VPS13B: variants seen among roughly 807,000 people sequenced by gnomAD.
VPS13B encodes vacuolar protein sorting 13 homolog B.
VPS13B carries 285 observed loss-of-function variants against 426.4 expected under a neutral mutation model. That is an observed-to-expected ratio of 0.67 (90% CI 0.61 to 0.74). The LOEUF (loss-of-function observed/expected upper bound fraction) is 0.74. Ranked by LOEUF, VPS13B falls within the 30% of genes least tolerant of loss-of-function variation. VPS13B has a pLI of 0.00. For missense variants in VPS13B, 4,537 were observed against 4,782.6 expected, an observed-to-expected ratio of 0.95 and a Z score of 1.51; for synonymous variants, 1,676 against 1,676.4, an observed-to-expected ratio of 1.00 and a Z score of 0.01.
intron 19 of VPS13B, among the ~76,000 whole-genome samples, chr8:99,337,494 C>A (rs1009309268): frequency 4.6e-5 from 7 of 151,148 alleles, no homozygotes; most frequent in Non-Finnish European, 7.4e-5. Flanking sequence ...GCACATGTAC[C>A]CTAAAACTTA....
chr8:99,667,807 G>C (rs1042319327), intron 35 of VPS13B, among the ~76,000 whole-genome samples: 9 of 152,140 alleles, frequency 5.9e-5, no homozygotes, highest in Admixed American at 3.3e-4. Context: ...CATTAAAACA[G>C]CTTTTACCAT....
chr8:99,252,028 T>C (rs1817532426), intron 17 of VPS13B, among the ~76,000 whole-genome samples: 1 of 151,466 alleles, frequency 6.6e-6, no homozygotes, highest in Non-Finnish European at 1.5e-5. Context: ...AATCAAAATT[T>C]TAAATATAAT....
At chr8:99,203,179 T>G (rs1814460630) in intron 17 of VPS13B, among the ~76,000 whole-genome samples, 1 of 152,188 alleles carries the variant, frequency 6.6e-6, no homozygotes, top group South Asian at 2.1e-4. Flanking sequence ...CAAGTCGGCT[T>G]CATCCCTGGG....
At chr8:99,349,727 C>G (rs927452920) in intron 19 of VPS13B, among the ~76,000 whole-genome samples, 1 of 152,110 alleles carries the variant, frequency 6.6e-6, no homozygotes, top group East Asian at 1.9e-4. Flanking sequence ...AAAAAGTCTT[C>G]GAGAATATGC....
At chr8:99,710,335 C>T (rs1326036177) in intron 36 of VPS13B, among the ~76,000 whole-genome samples, 1 of 151,852 alleles carries the variant, frequency 6.6e-6, no homozygotes, top group Admixed American at 6.6e-5. Context: ...CATTTGTCCC[C>T]CTAGGAAGAA....
chr8:99,090,900 T>C (rs1846107119), intron 3 of VPS13B, among the ~76,000 whole-genome samples: 1 of 152,134 alleles, frequency 6.6e-6, no homozygotes, highest in Non-Finnish European at 1.5e-5. Context: ...TTTCACCTTC[T>C]AAATCTTAGA....
In VPS13B at chr8:99,507,144, G is replaced by GA; in HGVS notation, c.4167dup (p.Gly1390ArgfsTer8). The GA allele has an allele frequency of 6.2e-7, 1 of 1,613,980 alleles. No individual in the cohort carries two copies. The highest frequency in any genetic ancestry group is 8.5e-7 in the Non-Finnish European group (1 of 1,179,908). ...TGAACTTATGTTTTCCAGGCCAGGG[G>GA]AAGGTTGGCAGTCAGGACATTTTGA... On this transcript the variant is annotated frameshift_variant, in exon 28 of 62. Transcript: ENST00000357162. LOFTEE classifies it high-confidence loss of function.
At chr8:99,058,170 A>T (rs1184789184) in intron 3 of VPS13B, among the ~76,000 whole-genome samples, 3 of 151,968 alleles carry the variant, frequency 2.0e-5, no homozygotes, top group Non-Finnish European at 1.5e-5. Flanking sequence ...TCATTTTCTC[A>T]TGAATGTAGT....
intron 34 of VPS13B, among the ~76,000 whole-genome samples, chr8:99,660,317 A>C (rs954896429): frequency 6.6e-6 from 1 of 152,224 alleles, no homozygotes; most frequent in Non-Finnish European, 1.5e-5. Context: ...ATACTAAATA[A>C]CCATATGTTG....
At chr8:99,680,806 T>C (rs2129974259) in intron 35 of VPS13B, among the ~76,000 whole-genome samples, 1 of 152,334 alleles carries the variant, frequency 6.6e-6, no homozygotes, top group Admixed American at 6.5e-5. Context: ...TGTGCCTGGT[T>C]CCCTATCCAG....
At chr8:99,055,025 G>C (rs867411557) in intron 3 of VPS13B, among the ~76,000 whole-genome samples, 5 of 136,964 alleles carry the variant, frequency 3.7e-5, no homozygotes, top group African/African-American at 1.3e-4. Context: ...TTCCTATTTT[G>C]TATTTCTGTT....
chr8:99,507,252 TTTATC>T (rs1415242757), intron 28 of VPS13B, 49 bp downstream of exon 28: 1 of 1,569,318 alleles, frequency 6.4e-7, no homozygotes, highest in Middle Eastern at 1.7e-4. Context: ...CTTTAAACTG[TTTATC>T]TTGTTATTTC....
intron 51 of VPS13B, among the ~76,000 whole-genome samples, chr8:99,827,519 A>C (rs1388392799): frequency 1.3e-5 from 2 of 148,428 alleles, no homozygotes; most frequent in Non-Finnish European, 3.0e-5. Context: ...TTCAAAAAAA[A>C]AAAGCAGCTC....
At chr8:99,598,790 C>CCCTT (rs1827140954) in intron 33 of VPS13B, among the ~76,000 whole-genome samples, 1 of 151,956 alleles carries the variant, frequency 6.6e-6, no homozygotes, top group Admixed American at 6.6e-5. Context: ...CCTTAGCCCT[C>CCCTT]CCTTCCCTTC....
At chr8:99,777,231 C>A (rs1394240610) in intron 41 of VPS13B, among the ~76,000 whole-genome samples, 1 of 152,134 alleles carries the variant, frequency 6.6e-6, no homozygotes, top group Non-Finnish European at 1.5e-5. Flanking sequence ...GTTAGTTTTA[C>A]TGTAATTCTA....
At chr8:99,174,552 A>C (rs1016774077) in intron 16 of VPS13B, among the ~76,000 whole-genome samples, 1 of 152,194 alleles carries the variant, frequency 6.6e-6, no homozygotes. Context: ...TTTCCTAATG[A>C]TTAGGAATGT....
intron 46 of VPS13B, 48 bp downstream of exon 46, chr8:99,818,582 C>A (rs755634370): frequency 6.3e-7 from 1 of 1,596,268 alleles, no homozygotes; most frequent in Admixed American, 1.7e-5. Context: ...TCTGACCTTT[C>A]CTGTTCTGAA....
chr8:99,670,529 T>C (rs973335291), intron 35 of VPS13B, among the ~76,000 whole-genome samples: 4 of 152,088 alleles, frequency 2.6e-5, no homozygotes, highest in Non-Finnish European at 5.9e-5. Context: ...TGTAAGTATA[T>C]AATACAGTAG....
chr8:99,517,502 G>A (rs536118160), intron 29 of VPS13B, among the ~76,000 whole-genome samples: 28 of 152,180 alleles, frequency 1.8e-4, no homozygotes, highest in African/African-American at 6.7e-4. Context: ...CTAAATTTCA[G>A]TTAATGATAA....
Sources: gnomAD v4.1 joint callset for allele counts (sites outside exome capture counted in the v4.1 genomes callset) on GRCh38, gnomAD v4.1.1 for gene constraint, MANE v1.5 for transcripts, NCBI Gene and HGNC (gene_info 2026-07-23, HGNC 2026-07-21) for gene names.